LRFN2: variants seen among roughly 807,000 people sequenced by gnomAD.
LRFN2 encodes the protein leucine-rich repeat and fibronectin type-III domain-containing protein 2.
In LRFN2, 18 loss-of-function variants were observed where a neutral mutation model predicts 37.3. The observed-to-expected ratio is 0.48, with a 90% CI of 0.33 to 0.72. The LOEUF is 0.72. LRFN2 is among the 30% of genes least tolerant of loss of function. LRFN2 has a pLI of 0.02. For missense variants in LRFN2, 1,006 were observed against 1,060.7 expected, an observed-to-expected ratio of 0.95 and a Z score of 0.72; for synonymous variants, 556 against 466.6, an observed-to-expected ratio of 1.19 and a Z score of -2.47.
intron 1 of LRFN2, among the ~76,000 whole-genome samples, chr6:40,582,977 A>G (rs1471666366): frequency 6.6e-6 from 1 of 152,074 alleles, no homozygotes; most frequent in Non-Finnish European, 1.5e-5. Context: ...GCAAGTTGCG[A>G]GTGGATCTGT....
intron 1 of LRFN2, among the ~76,000 whole-genome samples, chr6:40,476,298 T>C (rs986183437): frequency 4.6e-5 from 7 of 152,192 alleles, no homozygotes; most frequent in African/African-American, 1.7e-4. Context: ...TCCAGACTTA[T>C]CTCCTCCAAG....
intron 1 of LRFN2, among the ~76,000 whole-genome samples, chr6:40,517,862 A>G (rs1032188109): frequency 6.6e-6 from 1 of 152,168 alleles, no homozygotes; most frequent in Admixed American, 6.5e-5. Flanking sequence ...ACAATTTGGC[A>G]ATGACAACAG....
chr6:40,468,593 G>C (rs1415182082), intron 1 of LRFN2, among the ~76,000 whole-genome samples: 1 of 151,824 alleles, frequency 6.6e-6, no homozygotes, highest in Non-Finnish European at 1.5e-5. Context: ...GCAAAGAGTA[G>C]TGAGATTAAA....
At chr6:40,472,555 C>T (rs561257977) in intron 1 of LRFN2, among the ~76,000 whole-genome samples, 1 of 152,274 alleles carries the variant, frequency 6.6e-6, no homozygotes, top group South Asian at 2.1e-4. Flanking sequence ...GGGTAACCCT[C>T]GCCACCTGCT....
At chr6:40,477,439 A>G (rs562660064) in intron 1 of LRFN2, among the ~76,000 whole-genome samples, 57 of 152,288 alleles carry the variant, frequency 3.7e-4, no homozygotes, top group African/African-American at 1.3e-3. Flanking sequence ...GAGAAAACCA[A>G]AACCCAGAGA....
At chr6:40,555,414 G>A (rs191351244) in intron 1 of LRFN2, among the ~76,000 whole-genome samples, 3 of 152,298 alleles carry the variant, frequency 2.0e-5, no homozygotes, top group African/African-American at 7.2e-5. Flanking sequence ...TACGCCAGCA[G>A]GATGCAGTAA....
chr6:40,421,378 C>T (rs1763225548), intron 2 of LRFN2, among the ~76,000 whole-genome samples: 1 of 152,212 alleles, frequency 6.6e-6, no homozygotes, highest in Non-Finnish European at 1.5e-5. Context: ...TGCTTTTATA[C>T]ATTTGAGGGA....
intron 1 of LRFN2, among the ~76,000 whole-genome samples, chr6:40,578,841 A>G (rs1223117031): frequency 6.6e-6 from 1 of 152,134 alleles, no homozygotes; most frequent in African/African-American, 2.4e-5. Context: ...AGAATAACCC[A>G]CTCAAGTTCA....
chr6:40,554,146 C>A (rs1214542069), intron 1 of LRFN2, among the ~76,000 whole-genome samples: 7 of 152,222 alleles, frequency 4.6e-5, no homozygotes, highest in Non-Finnish European at 1.0e-4. Flanking sequence ...TCCTGTCCCC[C>A]CGAAGTGGGA....
At chr6:40,452,445 T>A (rs2504822) in intron 1 of LRFN2, among the ~76,000 whole-genome samples, 1 of 152,204 alleles carries the variant, frequency 6.6e-6, no homozygotes. Context: ...CTCCAGTCAG[T>A]GTTAGAATGT....
At chr6:40,535,078 C>T (rs1049042013) in intron 1 of LRFN2, among the ~76,000 whole-genome samples, 1 of 152,086 alleles carries the variant, frequency 6.6e-6, no homozygotes, top group African/African-American at 2.4e-5. Context: ...AGCTGCAGGT[C>T]GAGCCTTGGG....
At chr6:40,500,790 G>A (rs1765362346) in intron 1 of LRFN2, among the ~76,000 whole-genome samples, 1 of 152,234 alleles carries the variant, frequency 6.6e-6, no homozygotes, top group Non-Finnish European at 1.5e-5. Context: ...AGTGGGCCTA[G>A]AAGACTATGG....
Position 40,392,012 on chromosome 6 carries a change from C to A in LRFN2, c.2301G>T (p.Glu767Asp). Residue 767 changes from glutamate (E) to aspartate (D), a missense_variant, in exon 3 of 3, where the codon GAG becomes GAT. Around this residue, in one of 4 missense-constraint regions of LRFN2, gnomAD observed 398 missense variants for 327.6 expected, o/e 1.21. Transcript: ENST00000338305. This position sits in a 1 kb window ranked among gnomAD's most constrained non-coding sequence, Gnocchi z 4.7. The part of the protein sequence containing the change: ...LSVNGMLLPF[E>D]ESDLVGARGT... ...CCCGGGCCCCCACCAGGTCACTCTC[C>A]TCAAAGGGCAAGAGCATGCCGTTGA... The A allele has an allele frequency of 6.2e-7, 1 of 1,612,340 alleles. No individual in the cohort carries two copies. Among genetic ancestry groups the A allele is most frequent in the Non-Finnish European group, 8.5e-7 (1 of 1,179,122 alleles).
chr6:40,435,239 C>T (rs993148853), intron 1 of LRFN2, among the ~76,000 whole-genome samples: 1 of 150,064 alleles, frequency 6.7e-6, no homozygotes, highest in Non-Finnish European at 1.5e-5. Flanking sequence ...TAATTCATGA[C>T]AGCCTGAAAC....
intron 1 of LRFN2, among the ~76,000 whole-genome samples, chr6:40,502,779 C>T (rs1765420164): frequency 6.6e-6 from 1 of 152,206 alleles, no homozygotes; most frequent in Non-Finnish European, 1.5e-5. Context: ...CCCAGTGGGG[C>T]CCAGACAGAC....
chr6:40,448,594 G>A (rs990060383), intron 1 of LRFN2, among the ~76,000 whole-genome samples: 8 of 152,142 alleles, frequency 5.3e-5, no homozygotes, highest in African/African-American at 1.4e-4. Flanking sequence ...AATATTAATG[G>A]CTGATTATCT....
At chr6:40,408,332 G>A (rs1473311872) in intron 2 of LRFN2, among the ~76,000 whole-genome samples, 1 of 152,202 alleles carries the variant, frequency 6.6e-6, no homozygotes, top group Admixed American at 6.5e-5. Context: ...TCACTTCAGG[G>A]AGGCTGATGA....
In LRFN2 at chr6:40,482,778, C is replaced by A. The variant is rs9462626; in HGVS notation, c.-18-49647G>T. ...GCCCTGCCTCCCCCTCCTGGCCAGG[C>A]CAGCTTTCTTTGGGATGGCTCAGGC... On this transcript the variant is annotated intron_variant, in intron 1 of 2. Coordinates refer to ENST00000338305, the MANE Select transcript of LRFN2 (RefSeq NM_020737.3). 4.3e-3 allele frequency among the ~76,000 whole-genome samples: 652 copies of A among 152,278 alleles called. 3 individuals are homozygous for A. The highest frequency in any genetic ancestry group is 0.015 in the African/African-American group (617 of 41,542).
At chr6:40,539,782 G>T (rs2436751) in intron 1 of LRFN2, among the ~76,000 whole-genome samples, 2,943 of 152,270 alleles carry the variant, frequency 0.019, 110 homozygotes, top group African/African-American at 0.067. Context: ...GGGTAGAGAG[G>T]TTTTAGAGGG....
Sources: gnomAD v4.1 joint callset for allele counts (sites outside exome capture counted in the v4.1 genomes callset) on GRCh38, gnomAD v4.1.1 for gene constraint, gnomAD v4.1.1 regional missense constraint, Gnocchi (gnomAD v3.1) non-coding constraint, MANE v1.5 for transcripts, NCBI Gene and HGNC (gene_info 2026-07-23, HGNC 2026-07-21) for gene names.